Variants in TMEM108 observed in about 807,000 individuals in gnomAD.
The protein encoded by TMEM108 is transmembrane protein 108, also known as cancer/testis antigen 124.
Under a neutral mutation model 35.1 loss-of-function variants are expected in TMEM108, and 12 were observed. The observed-to-expected ratio is 0.34, with a 90% CI of 0.22 to 0.55. The LOEUF (loss-of-function observed/expected upper bound fraction) is 0.55, where lower values mean the gene tolerates loss of function less well. TMEM108 is among the 20% of genes least tolerant of loss of function. TMEM108 has a pLI of 0.89. For missense variants in TMEM108, 680 were observed against 753.3 expected (o/e 0.90, Z 1.14); for synonymous variants, 287 against 308.6 (o/e 0.93, Z 0.73).
intron 5 of TMEM108, among the ~76,000 whole-genome samples, chr3:133,392,375 C>T (rs2073247358): frequency 6.6e-6 from 1 of 152,104 alleles, no homozygotes; most frequent in Admixed American, 6.5e-5. Context: ...GTTGGCCAGG[C>T]TGGTCTCGAC....
intron 3 of TMEM108, among the ~76,000 whole-genome samples, chr3:133,313,863 T>G (rs761801727): frequency 2.6e-5 from 4 of 152,108 alleles, no homozygotes; most frequent in African/African-American, 4.8e-5. Flanking sequence ...CTAACCCCTG[T>G]GAAGAGAGCA....
chr3:133,299,629 C>T (rs1947191718), intron 3 of TMEM108, among the ~76,000 whole-genome samples: 1 of 152,120 alleles, frequency 6.6e-6, no homozygotes, highest in African/African-American at 2.4e-5. Flanking sequence ...TCTCACAGGG[C>T]ATTTCTTTAT....
chr3:133,268,311 T>C (rs763407718), intron 3 of TMEM108, among the ~76,000 whole-genome samples: 4 of 152,216 alleles, frequency 2.6e-5, no homozygotes, highest in Non-Finnish European at 4.4e-5. Flanking sequence ...CATAGAAATA[T>C]AGTCCTTTAT....
intron 3 of TMEM108, among the ~76,000 whole-genome samples, chr3:133,371,553 C>G (rs910237388): frequency 1.4e-5 from 2 of 141,290 alleles, no homozygotes; most frequent in Non-Finnish European, 3.0e-5. Flanking sequence ...GTAGCCATAC[C>G]ACCTTTTATG....
intron 2 of TMEM108, among the ~76,000 whole-genome samples, chr3:133,212,274 C>T (rs554991821): frequency 6.6e-6 from 1 of 152,286 alleles, no homozygotes; most frequent in Non-Finnish European, 1.5e-5. Flanking sequence ...GAAATTCCAT[C>T]TAAATATCCG....
chr3:133,101,847 C>T (rs1435687783), intron 2 of TMEM108, among the ~76,000 whole-genome samples: 1 of 152,180 alleles, frequency 6.6e-6, no homozygotes, highest in Non-Finnish European at 1.5e-5. Context: ...CATAATATGT[C>T]ACTTACAAGT....
intron 2 of TMEM108, among the ~76,000 whole-genome samples, chr3:133,135,908 C>T (rs868656353): frequency 6.6e-6 from 1 of 152,030 alleles, no homozygotes; most frequent in Non-Finnish European, 1.5e-5. Context: ...TAGCATAAAA[C>T]GTTTTATGTG....
intron 2 of TMEM108, among the ~76,000 whole-genome samples, chr3:133,130,266 A>C (rs1478176267): frequency 1.3e-5 from 2 of 152,186 alleles, no homozygotes; most frequent in Non-Finnish European, 2.9e-5. Flanking sequence ...CTGCATAACA[A>C]ACCACTCCAA....
At chr3:133,384,717 C>T (rs551305890) in intron 4 of TMEM108, among the ~76,000 whole-genome samples, 36 of 152,336 alleles carry the variant, frequency 2.4e-4, no homozygotes, top group African/African-American at 8.2e-4. Context: ...TTGGTCGGCG[C>T]TCACCATTGT....
chr3:133,307,924 G>A (rs541127913), intron 3 of TMEM108, among the ~76,000 whole-genome samples: 4 of 152,096 alleles, frequency 2.6e-5, no homozygotes, highest in East Asian at 3.9e-4. Context: ...GATGAGGATG[G>A]CATTGAATCT....
intron 2 of TMEM108, among the ~76,000 whole-genome samples, chr3:133,050,213 G>C (rs1264907976): frequency 2.0e-5 from 3 of 152,146 alleles, no homozygotes; most frequent in Non-Finnish European, 2.9e-5. Flanking sequence ...TTGAGGGGAA[G>C]GAGGTGGATA....
chr3:133,118,484 C>G (rs1404087113), intron 2 of TMEM108, among the ~76,000 whole-genome samples: 1 of 152,140 alleles, frequency 6.6e-6, no homozygotes, highest in Non-Finnish European at 1.5e-5. Context: ...TTTGTGTTTG[C>G]AAAATACTCT....
intron 4 of TMEM108, 112 bp downstream of exon 4, chr3:133,381,273 C>G: frequency 8.3e-7 from 1 of 1,199,034 alleles, no homozygotes; most frequent in Non-Finnish European, 1.2e-6. Flanking sequence ...ACAAAAATTC[C>G]CAGAATCTCA....
Position 133,351,946 on chromosome 3 carries a change from G to A in TMEM108, c.41-27806G>A, listed in dbSNP as rs1405036030. On this transcript the variant is annotated intron_variant, in intron 3 of 5. Coordinates refer to ENST00000321871, the MANE Select transcript of TMEM108 (RefSeq NM_023943.4). ...CACTTGGGGAGTTTTTAAAAACCCC[G>A]TTGACTCCATTGAGAAGCAAGGTTG... Among the ~76,000 whole-genome samples, 9 of 152,234 alleles carry A rather than the reference G, an allele frequency of 5.9e-5. No individual in the cohort carries two copies. The South Asian group carries it at 8.3e-4, about 14-fold the overall frequency.
In TMEM108 at chr3:133,381,161, T is replaced by G. The variant is rs925055216; in HGVS notation, c.1450T>G (p.Ser484Ala). 3.1e-6 allele frequency: 5 copies of G among 1,591,922 alleles called. No homozygotes were observed. Among genetic ancestry groups the G allele is most frequent in the Admixed American group, 3.4e-5 (2 of 59,110 alleles). Residue 484 changes from serine to alanine, a missense_variant and splice_region_variant, in exon 4 of 6, where the codon TCT (serine) becomes GCT (alanine). By Grantham distance (99) the Ser-to-Ala change is moderately conservative. Coordinates refer to ENST00000321871, the MANE Select transcript of TMEM108 (RefSeq NM_023943.4). ...CATCAGCGTGCCCATCTCCTCCTGC[T>G]GTAAGTGCCGCCCTCTCCCACCCAT... Reference protein sequence around the residue: ...LAISVPISSCSVLLTVCCMKR... With the variant: ...LAISVPISSCAVLLTVCCMKR...
At chr3:133,090,632 A>G (rs1261710449) in intron 2 of TMEM108, among the ~76,000 whole-genome samples, 1 of 152,222 alleles carries the variant, frequency 6.6e-6, no homozygotes, top group Non-Finnish European at 1.5e-5. Flanking sequence ...AAGAAATTTC[A>G]AAGGCGCATT....
intron 3 of TMEM108, among the ~76,000 whole-genome samples, chr3:133,301,698 T>C (rs1016331118): frequency 6.6e-6 from 1 of 152,188 alleles, no homozygotes; most frequent in African/African-American, 2.4e-5. Flanking sequence ...AACACAGTCA[T>C]TTTCAGTTTT....
chr3:133,175,851 G>C (rs1344143007), intron 2 of TMEM108, among the ~76,000 whole-genome samples: 1 of 152,210 alleles, frequency 6.6e-6, no homozygotes, highest in Non-Finnish European at 1.5e-5. Flanking sequence ...TGGGCTAAAT[G>C]CTTCAATTAA....
intron 2 of TMEM108, among the ~76,000 whole-genome samples, chr3:133,200,660 T>C (rs1420072036): frequency 2.0e-5 from 3 of 152,232 alleles, no homozygotes; most frequent in Admixed American, 1.3e-4. Context: ...TCTGCTCTTA[T>C]ATCAATGACT....
Sources: allele counts gnomAD v4.1 joint callset (sites outside exome capture counted in the v4.1 genomes callset), GRCh38; gene constraint gnomAD v4.1.1; transcripts MANE v1.5; gene names NCBI Gene and HGNC (gene_info 2026-07-23, HGNC 2026-07-21).